Variants in CHPT1 observed in about 807,000 individuals in gnomAD.
CHPT1 encodes choline phosphotransferase 1.
Under a neutral mutation model 47.6 loss-of-function variants are expected in CHPT1, and 36 were observed. The ratio of observed to expected loss-of-function variants is 0.76; its 90% confidence interval spans 0.58 to 1.00. The LOEUF (loss-of-function observed/expected upper bound fraction) is 1.00. Among genes scored for constraint, CHPT1 ranks in the 50% least tolerant of loss-of-function variants. CHPT1 has a pLI of 0.00. For missense variants in CHPT1, 458 were observed against 498.1 expected (o/e 0.92, Z 0.77); for synonymous variants, 194 against 186.3 (o/e 1.04, Z -0.33).
At position 101,726,479 on chromosome 12, in the gene CHPT1, A is replaced by C. The variant is rs536528267; in HGVS notation, c.1176+75A>C. ...AGTTAGGGGAATCTATGAGTGAAGG[A>C]AATCCCCCTGTGCAGGAGGCTAGTA... On this transcript the variant is annotated intron_variant, in intron 8 of 8. Coordinates refer to ENST00000229266, the MANE Select transcript of CHPT1 (RefSeq NM_020244.3). 1.9e-4 allele frequency: 296 copies of C among 1,574,754 alleles called. 1 individual carries two copies. The highest frequency in any genetic ancestry group is 2.4e-4 in the Non-Finnish European group (283 of 1,162,356).
chr12:101,708,781 GAGAC>G (rs984136816), intron 1 of CHPT1, among the ~76,000 whole-genome samples: 1 of 148,008 alleles, frequency 6.8e-6, no homozygotes, highest in Non-Finnish European at 1.5e-5. Flanking sequence ...ATTTTTAATA[GAGAC>G]AGATTTTTAC....
At position 101,714,086 on chromosome 12, in the gene CHPT1, A is replaced by G; in HGVS notation, c.274-4A>G. Reference sequence around the variant, plus strand: ...AATCTTTATTTTATTTACATTTTTTATAGGCACCATACTGGACATACCTTT... The same window carrying G: ...AATCTTTATTTTATTTACATTTTTTGTAGGCACCATACTGGACATACCTTT... On this transcript the variant is annotated splice_polypyrimidine_tract_variant and splice_region_variant and intron_variant, in intron 1 of 8. Transcript: ENST00000229266. 6.4e-7 allele frequency: 1 copy of G among 1,568,102 alleles called. No homozygotes were observed. Among genetic ancestry groups the G allele is most frequent in the Non-Finnish European group, 8.7e-7 (1 of 1,155,236 alleles).
At chr12:101,727,276 G>C (rs180778613) in intron 8 of CHPT1, 13 of 152,190 alleles carry the variant, frequency 8.5e-5, no homozygotes, top group Admixed American at 6.5e-4. Context: ...GAGGTGATAA[G>C]GGATAAAATA....
chr12:101,726,116 A>G (rs1951939345), intron 7 of CHPT1, among the ~76,000 whole-genome samples, 178 bp from the exon 8 acceptor site: 2 of 152,046 alleles, frequency 1.3e-5, no homozygotes, highest in African/African-American at 4.8e-5. Context: ...AATAACCTGC[A>G]TTTTCCAGAG....
chr12:101,699,413 A>G (rs1951518155), intron 1 of CHPT1, among the ~76,000 whole-genome samples: 3 of 131,046 alleles, frequency 2.3e-5, no homozygotes, highest in South Asian at 4.8e-4. Flanking sequence ...TTTGAGACAG[A>G]GTCTCGCTCT....
In CHPT1 at chr12:101,714,928, G is replaced by A. The variant is rs1594134366; in HGVS notation, c.563+283G>A. ...GGATTAAAAGAAAATTAAGGGACCT[G>A]AATAATATAGAAAAGGGATATGCAG... is the stretch of plus-strand genomic sequence containing the variant. On this transcript the variant is annotated intron_variant, in intron 3 of 8. Transcript: ENST00000229266. 1.8e-5 allele frequency: 4 copies of A among 227,316 alleles called. No individual in the cohort carries two copies. The East Asian group carries it at 3.9e-4, about 22-fold the overall frequency. 14.1% of individuals were successfully genotyped at this position (227,316 alleles called of 1,614,324 possible). A position where few individuals can be genotyped will look rare whatever the true frequency, so the allele number is the denominator to read the frequency against.
rs143913271 is a variant in CHPT1, at chr12:101,719,369, A to G, written c.649-754A>G. 1.7e-3 allele frequency: 654 copies of G among 386,708 alleles called. 5 individuals are homozygous for G. The highest frequency in any genetic ancestry group is 7.1e-3 in the Middle Eastern group (9 of 1,260). The allele number at this position is 386,708 out of a possible 1,614,324, so 24.0% of individuals were successfully genotyped here. A position where few individuals can be genotyped will look rare whatever the true frequency, so the allele number is the denominator to read the frequency against. Reference sequence around the variant, plus strand: ...TGATTCAGGTTTTCTAAATTTAATTATTAACCTGTAGTTTCCACAAATTTT... The same window carrying G: ...TGATTCAGGTTTTCTAAATTTAATTGTTAACCTGTAGTTTCCACAAATTTT... On this transcript the variant is annotated intron_variant, in intron 4 of 8. Coordinates refer to ENST00000229266, the MANE Select transcript of CHPT1 (RefSeq NM_020244.3).
intron 3 of CHPT1, among the ~76,000 whole-genome samples, chr12:101,715,393 A>G (rs1951749918): frequency 6.6e-6 from 1 of 152,204 alleles, no homozygotes; most frequent in South Asian, 2.1e-4. Context: ...CTAATGATAA[A>G]TGATAGGAGA....
intron 8 of CHPT1, chr12:101,726,651 T>A: frequency 2.1e-6 from 1 of 481,696 alleles, no homozygotes; most frequent in Non-Finnish European, 3.5e-6. Context: ...GAAACAAGAC[T>A]AAAGAAATGT....
In CHPT1 at chr12:101,698,046, C is replaced by T. The variant is rs1425814754; in HGVS notation, c.185C>T (p.Ala62Val). 4.4e-6 allele frequency: 7 copies of T among 1,577,846 alleles called. No individual in the cohort carries two copies. Among genetic ancestry groups the T allele is most frequent in the Non-Finnish European group, 6.0e-6 (7 of 1,170,516 alleles). ...WLLQWIPLWM[A>V]PNSITLLGLA... ...CTCCAGTGGATCCCGCTCTGGATGG[C>T]CCCCAACTCCATCACCCTGCTGGGG... Residue 62 changes from alanine to valine, a missense_variant, in exon 1 of 9, where the codon GCC (alanine) becomes GTC (valine). Ala to Val is a moderately conservative substitution (Grantham distance 64). Transcript: ENST00000229266.
chr12:101,720,638 C>T (rs1207913713), intron 5 of CHPT1, among the ~76,000 whole-genome samples: 3 of 152,092 alleles, frequency 2.0e-5, no homozygotes. Context: ...GGATTTATTA[C>T]TCATCAAGTA....
intron 1 of CHPT1, among the ~76,000 whole-genome samples, chr12:101,703,074 A>G (rs974111600): frequency 6.6e-6 from 1 of 152,214 alleles, no homozygotes; most frequent in Non-Finnish European, 1.5e-5. Context: ...TTCTGGTTCA[A>G]GTGTGGATAA....
chr12:101,700,381 A>G (rs977962522), intron 1 of CHPT1, among the ~76,000 whole-genome samples: 1 of 151,936 alleles, frequency 6.6e-6, no homozygotes, highest in African/African-American at 2.4e-5. Context: ...AATAAAGTGC[A>G]AAATCAAATG....
rs776018256 is a variant in CHPT1 at position 101,699,491 on chromosome 12, G to T, written c.273+1357G>T. Among the ~76,000 whole-genome samples the T allele has an allele frequency of 1.4e-3, 208 of 151,436 alleles. 1 individual carries two copies. Among genetic ancestry groups the T allele is most frequent in the Non-Finnish European group, 2.5e-3 (171 of 67,892 alleles). On this transcript the variant is annotated intron_variant, in intron 1 of 8. Transcript: ENST00000229266. ...CAACCTCTGCCTCCTGGGTTCAAGC[G>T]ATTCCCTTGCCTCAGCCTCCTGAAT...
intron 1 of CHPT1, among the ~76,000 whole-genome samples, chr12:101,705,886 C>T (rs76333057): frequency 0.22 from 31,554 of 143,622 alleles, 3,788 homozygotes; most frequent in Middle Eastern, 0.29. Flanking sequence ...CCCCCACGCC[C>T]GGCTAATTTT....
chr12:101,726,211 A>C (rs530436542), intron 7 of CHPT1, 83 bp from the exon 8 acceptor site: 6 of 889,364 alleles, frequency 6.7e-6, no homozygotes, highest in South Asian at 3.2e-5. Flanking sequence ...TTAAGGTTTG[A>C]TATTTGGGGG....
chr12:101,705,839 C>T lies in CHPT1; in HGVS notation c.273+7705C>T, dbSNP rs374639975. Among the ~76,000 whole-genome samples, 101 of 146,354 alleles carry T rather than the reference C, an allele frequency of 6.9e-4. 1 individual carries two copies. In the East Asian group the frequency reaches 0.017, roughly 24 times the overall value. ...CTACTGTCCTCAAGTGATCCTCCCC[C>T]CTCAGCCTCCCAAGTAGCTGGGATT... On this transcript the variant is annotated intron_variant, in intron 1 of 8. Coordinates refer to ENST00000229266, the MANE Select transcript of CHPT1 (RefSeq NM_020244.3).
rs1951897490 is a variant in CHPT1, at chr12:101,723,741, G to C, written c.959G>C (p.Ser320Thr). The stretch of plus-strand genomic sequence containing the variant: ...TTATAGGTAGCTCACATGACCAAAA[G>C]TGAACTATATCTTCAAGACACTGTC... ...QKLVVAHMTKSELYLQDTVFL... is the reference protein window; with the variant it reads ...QKLVVAHMTKTELYLQDTVFL... Residue 320 changes from serine (S) to threonine (T), a missense_variant, in exon 7 of 9, where the codon AGT becomes ACT. By Grantham distance (58) the Ser-to-Thr change is moderately conservative. Coordinates refer to ENST00000229266, the MANE Select transcript of CHPT1 (RefSeq NM_020244.3). 1 of 1,571,736 alleles carries C rather than the reference G, an allele frequency of 6.4e-7. No homozygotes were observed. The highest frequency in any genetic ancestry group is 1.4e-5 in the African/African-American group (1 of 72,600).
chr12:101,717,535 T>G (rs1015061391), intron 4 of CHPT1: 2 of 279,510 alleles, frequency 7.2e-6, no homozygotes, highest in African/African-American at 4.4e-5. Flanking sequence ...CCCCTCAGTT[T>G]TATCTGCCCC....
Sources: allele counts gnomAD v4.1 joint callset (sites outside exome capture counted in the v4.1 genomes callset), GRCh38; gene constraint gnomAD v4.1.1; transcripts MANE v1.5; gene names NCBI Gene and HGNC (gene_info 2026-07-23, HGNC 2026-07-21).